NAV2: variants seen among roughly 807,000 people sequenced by gnomAD.
The protein encoded by NAV2 is helicase, APC down-regulated 1.
In NAV2, 54 loss-of-function variants were observed where a neutral mutation model predicts 223.2. That is an observed-to-expected ratio of 0.24 (90% CI 0.19 to 0.30). The LOEUF (loss-of-function observed/expected upper bound fraction) is 0.30, where lower values mean the gene tolerates loss of function less well. Ranked by LOEUF, NAV2 falls within the 10% of genes least tolerant of loss-of-function variation. The pLI, the probability that NAV2 is intolerant of heterozygous loss-of-function variation, is 1.00. For missense variants in NAV2, 2,806 were observed against 3,147.5 expected (o/e 0.89, Z 2.60); for synonymous variants, 1,279 against 1,239.3 (o/e 1.03, Z -0.67).
At chr11:19,873,105 A>T (rs2062625905) in intron 4 of NAV2, among the ~76,000 whole-genome samples, 1 of 152,176 alleles carries the variant, frequency 6.6e-6, no homozygotes, top group Admixed American at 6.5e-5. Flanking sequence ...ATCCTCCTGC[A>T]ATGGAGAAAT....
At chr11:20,112,894 T>G (rs569381326) in intron 36 of NAV2, among the ~76,000 whole-genome samples, 1 of 152,326 alleles carries the variant, frequency 6.6e-6, no homozygotes, top group East Asian at 1.9e-4. Context: ...TTCACACTGT[T>G]GTCAGCACCT....
chr11:20,027,307 C>T (rs1202769173), intron 11 of NAV2: 69 of 983,614 alleles, frequency 7.0e-5, no homozygotes, highest in Admixed American at 1.2e-4. Flanking sequence ...GCTCGGGCCC[C>T]GGGGTTTCAC....
intron 37 of NAV2, among the ~76,000 whole-genome samples, chr11:20,117,640 T>G (rs190252803): frequency 2.0e-5 from 3 of 152,204 alleles, no homozygotes; most frequent in African/African-American, 7.2e-5. Context: ...AGAGATGGGT[T>G]TGATGCTTGT....
intron 1 of NAV2, among the ~76,000 whole-genome samples, chr11:19,665,502 A>AT (rs1264397473): frequency 6.6e-6 from 1 of 152,064 alleles, no homozygotes; most frequent in Non-Finnish European, 1.5e-5. Flanking sequence ...CTTGTGGCTT[A>AT]TTTTTTCTAA....
intron 1 of NAV2, among the ~76,000 whole-genome samples, chr11:19,583,334 A>T (rs1364981649): frequency 1.3e-5 from 2 of 151,854 alleles, no homozygotes; most frequent in Admixed American, 6.6e-5. Flanking sequence ...CAGGGACAAT[A>T]TGACTTCCTC....
chr11:19,764,712 C>T (rs775406566), intron 1 of NAV2, among the ~76,000 whole-genome samples: 1 of 152,144 alleles, frequency 6.6e-6, no homozygotes, highest in Non-Finnish European at 1.5e-5. Context: ...GTGCGTGCAT[C>T]TTGCATGAAT....
intron 1 of NAV2, among the ~76,000 whole-genome samples, chr11:19,416,100 T>G (rs1850356558): frequency 6.6e-6 from 1 of 152,096 alleles, no homozygotes; most frequent in South Asian, 2.1e-4. Flanking sequence ...GCCAGGGTAA[T>G]CAGGCAAGAG....
chr11:20,004,704 A>C (rs1037609368), intron 11 of NAV2, among the ~76,000 whole-genome samples: 2 of 152,146 alleles, frequency 1.3e-5, no homozygotes, highest in Non-Finnish European at 2.9e-5. Context: ...TGCTTTTCAC[A>C]TTACAAACAT....
At chr11:19,954,869 A>ATG (rs1283705681) in intron 10 of NAV2, among the ~76,000 whole-genome samples, 6 of 151,118 alleles carry the variant, frequency 4.0e-5, no homozygotes, top group Non-Finnish European at 8.8e-5. Flanking sequence ...GTGTGTGTAT[A>ATG]TGCATGTGTG....
chr11:19,976,859 T>C (rs1415677037), intron 10 of NAV2, among the ~76,000 whole-genome samples: 2 of 152,212 alleles, frequency 1.3e-5, no homozygotes, highest in Non-Finnish European at 2.9e-5. Flanking sequence ...CACGTCATCC[T>C]ATGCTCTGAA....
At chr11:20,108,786 CAGGGTTTAACTGGA>C (rs1305853219) in intron 36 of NAV2, among the ~76,000 whole-genome samples, 1 of 152,108 alleles carries the variant, frequency 6.6e-6, no homozygotes, top group African/African-American at 2.4e-5. Flanking sequence ...TCACTTGACC[CAGGGTTTAACTGGA>C]AGCTTACCAT....
intron 17 of NAV2, among the ~76,000 whole-genome samples, chr11:20,053,396 T>C (rs538841613): frequency 1.2e-4 from 19 of 152,234 alleles, no homozygotes; most frequent in African/African-American, 3.9e-4. Flanking sequence ...CATTGCTGAG[T>C]AGGTCTGAGG....
In NAV2 at chr11:19,933,809, A is replaced by G; in HGVS notation, c.1565A>G (p.Glu522Gly). The G allele has an allele frequency of 6.2e-7, 1 of 1,614,008 alleles. No homozygotes were observed. Among genetic ancestry groups the G allele is most frequent in the Non-Finnish European group, 8.5e-7 (1 of 1,179,996 alleles). Residue 522 changes from glutamate to glycine, a missense_variant, in exon 7 of 38, where the codon GAA becomes GGA. Physicochemically the swap from Glu to Gly is moderately conservative, Grantham distance 98. This residue lies in a region of NAV2 where 1,167 missense variants were observed against 1,180.5 expected (regional missense o/e 0.99). Transcript: ENST00000349880. This position sits in a 1 kb window ranked among gnomAD's most constrained non-coding sequence, Gnocchi z 4.3. ...CTGGACCTCAAGGAGGAGCCAAAAG[A>G]AGACCCCAGTGGAGCAGCTGTGCCC... ...ERLDLKEEPK[E>G]DPSGAAVPEM...
At chr11:19,814,498 A>G (rs893260236) in intron 1 of NAV2, among the ~76,000 whole-genome samples, 6 of 152,188 alleles carry the variant, frequency 3.9e-5, no homozygotes, top group African/African-American at 1.2e-4. Context: ...TCACAGAGCA[A>G]AAAGGCAAGA....
chr11:19,638,747 C>T (rs1052427941), intron 1 of NAV2, among the ~76,000 whole-genome samples: 3 of 152,314 alleles, frequency 2.0e-5, no homozygotes, highest in African/African-American at 7.2e-5. Context: ...AGAGAGAATA[C>T]ACTTTGGGAG....
intron 1 of NAV2, among the ~76,000 whole-genome samples, chr11:19,692,680 A>T (rs960064364): frequency 6.6e-6 from 1 of 152,150 alleles, no homozygotes; most frequent in African/African-American, 2.4e-5. Context: ...TTGCATATTG[A>T]TCATACAGGC....
intron 4 of NAV2, among the ~76,000 whole-genome samples, chr11:19,874,229 G>A (rs749459127): frequency 5.3e-5 from 8 of 152,172 alleles, no homozygotes; most frequent in Admixed American, 1.3e-4. Context: ...GGAAGAAAGC[G>A]ATTAGTCAGA....
At chr11:19,784,392 A>T (rs1454471538) in intron 1 of NAV2, among the ~76,000 whole-genome samples, 2 of 66,512 alleles carry the variant, frequency 3.0e-5, no homozygotes, top group African/African-American at 7.2e-5. Context: ...CCATCTTAAA[A>T]AAAAAAAAAA....
intron 1 of NAV2, among the ~76,000 whole-genome samples, chr11:19,655,893 A>G (rs2048110467): frequency 6.6e-6 from 1 of 152,108 alleles, no homozygotes; most frequent in African/African-American, 2.4e-5. Flanking sequence ...AAAGTATAAT[A>G]AAAAATTTAA....
Sources: allele counts gnomAD v4.1 joint callset (sites outside exome capture counted in the v4.1 genomes callset), GRCh38; gene constraint gnomAD v4.1.1; regional missense constraint gnomAD v4.1.1; non-coding constraint Gnocchi (gnomAD v3.1); transcripts MANE v1.5; gene names NCBI Gene and HGNC (gene_info 2026-07-23, HGNC 2026-07-21).